The following CLSTN2 variants were observed in gnomAD, a reference collection of about 807,000 sequenced individuals.
CLSTN2 encodes the protein calsyntenin 2.
A neutral mutation model predicts 101.2 loss-of-function variants in CLSTN2; 48 were observed. That is an observed-to-expected ratio of 0.47 (90% CI 0.38 to 0.60). The LOEUF (loss-of-function observed/expected upper bound fraction) is 0.60, where lower values mean the gene tolerates loss of function less well. Among genes scored for constraint, CLSTN2 ranks in the 20% least tolerant of loss-of-function variants. CLSTN2 has a pLI of 0.00. For synonymous variants in CLSTN2, 481 were observed against 463.6 expected, an observed-to-expected ratio of 1.04 and a Z score of -0.48; for missense variants, 1,160 against 1,238.2, an observed-to-expected ratio of 0.94 and a Z score of 0.95.
At chr3:140,288,374 C>G (rs368265746) in intron 2 of CLSTN2, among the ~76,000 whole-genome samples, 1 of 152,142 alleles carries the variant, frequency 6.6e-6, no homozygotes, top group East Asian at 1.9e-4. Context: ...TCTCCCCTCC[C>G]AGACATTCCT....
At chr3:140,536,219 A>T (rs1194363415) in intron 9 of CLSTN2, among the ~76,000 whole-genome samples, 1 of 151,932 alleles carries the variant, frequency 6.6e-6, no homozygotes, top group Non-Finnish European at 1.5e-5. Context: ...TTTTATTTTT[A>T]ATCTATGAAA....
At chr3:140,279,094 C>A (rs1056962283) in intron 2 of CLSTN2, among the ~76,000 whole-genome samples, 1 of 152,200 alleles carries the variant, frequency 6.6e-6, no homozygotes, top group Admixed American at 6.5e-5. Context: ...AATCATGCAG[C>A]AAGTATATTT....
At chr3:140,376,797 A>T (rs753020623) in intron 2 of CLSTN2, among the ~76,000 whole-genome samples, 11 of 152,184 alleles carry the variant, frequency 7.2e-5, no homozygotes, top group Admixed American at 1.3e-4. Context: ...CTTGGAAGGA[A>T]GAATAAGGAA....
chr3:140,562,397 A>C (rs1407551714), intron 13 of CLSTN2, 89 bp downstream of exon 13: 10 of 1,303,974 alleles, frequency 7.7e-6, no homozygotes. Context: ...GCACCTGTGA[A>C]GGAGCACTGT....
chr3:140,552,641 T>G (rs934627159), intron 10 of CLSTN2, among the ~76,000 whole-genome samples: 2 of 152,082 alleles, frequency 1.3e-5, no homozygotes, highest in African/African-American at 4.8e-5. Flanking sequence ...TATCCATCCC[T>G]CTAGAAGAAC....
At chr3:140,009,225 TC>T (rs1481674030) in intron 1 of CLSTN2, among the ~76,000 whole-genome samples, 4 of 152,246 alleles carry the variant, frequency 2.6e-5, no homozygotes, top group African/African-American at 7.2e-5. Flanking sequence ...TTCTGTTCTT[TC>T]CTGAAGCCCC....
intron 2 of CLSTN2, among the ~76,000 whole-genome samples, chr3:140,381,397 A>G (rs2087981799): frequency 6.6e-6 from 1 of 152,210 alleles, no homozygotes; most frequent in Non-Finnish European, 1.5e-5. Context: ...TAATACACCC[A>G]TAACAGTTCC....
chr3:140,249,888 T>G (rs1251594139), intron 2 of CLSTN2, among the ~76,000 whole-genome samples: 1 of 152,074 alleles, frequency 6.6e-6, no homozygotes, highest in African/African-American at 2.4e-5. Flanking sequence ...AACCCCTCAC[T>G]CCGCAGGGCA....
chr3:140,190,054 G>C (rs749864045), intron 2 of CLSTN2, among the ~76,000 whole-genome samples: 3 of 152,202 alleles, frequency 2.0e-5, no homozygotes, highest in Non-Finnish European at 2.9e-5. Flanking sequence ...GAAAGGGGAA[G>C]ACAGCTCTCT....
At chr3:140,505,259 C>T (rs1433772697) in intron 8 of CLSTN2, among the ~76,000 whole-genome samples, 1 of 152,184 alleles carries the variant, frequency 6.6e-6, no homozygotes, top group Non-Finnish European at 1.5e-5. Flanking sequence ...CATGACCCCA[C>T]TGATGGCCTT....
chr3:140,361,864 G>A (rs1576532572), intron 2 of CLSTN2, among the ~76,000 whole-genome samples: 1 of 152,050 alleles, frequency 6.6e-6, no homozygotes, highest in South Asian at 2.1e-4. Context: ...CCTGGTTCAC[G>A]GATTAAAAGC....
At chr3:140,100,042 C>T (rs1041813379) in intron 1 of CLSTN2, among the ~76,000 whole-genome samples, 3 of 152,156 alleles carry the variant, frequency 2.0e-5, no homozygotes, top group African/African-American at 7.2e-5. Context: ...TGGGAGGTCA[C>T]ATAGAGTTTT....
chr3:140,368,922 C>A (rs914256515), intron 2 of CLSTN2, among the ~76,000 whole-genome samples: 4 of 152,146 alleles, frequency 2.6e-5, no homozygotes, highest in African/African-American at 9.7e-5. Context: ...TCTGGGTAAC[C>A]TTTAAAATGA....
chr3:139,978,619 ACT>A (rs1439203673), intron 1 of CLSTN2, among the ~76,000 whole-genome samples: 3 of 147,966 alleles, frequency 2.0e-5, no homozygotes, highest in Admixed American at 2.0e-4. Flanking sequence ...AATATAACTA[ACT>A]CTGCTGGGAG....
chr3:140,069,847 A>G (rs1050810997), intron 1 of CLSTN2, among the ~76,000 whole-genome samples: 3 of 152,202 alleles, frequency 2.0e-5, no homozygotes, highest in African/African-American at 7.2e-5. Context: ...CTGGGAGTGC[A>G]TGGATCAGAC....
At chr3:140,275,408 G>A (rs1189725364) in intron 2 of CLSTN2, among the ~76,000 whole-genome samples, 1 of 152,030 alleles carries the variant, frequency 6.6e-6, no homozygotes, top group East Asian at 1.9e-4. Flanking sequence ...AGCCTCCTGA[G>A]TAGCTGAAAC....
chr3:140,171,808 ATATAT>A (rs2010236518), intron 1 of CLSTN2, among the ~76,000 whole-genome samples: 1 of 91,684 alleles, frequency 1.1e-5, no homozygotes, highest in Non-Finnish European at 1.9e-5. Flanking sequence ...AATATGTATT[ATATAT>A]TATATATTAT....
rs73867271 is a variant in CLSTN2, at chr3:140,024,311, A to G, written c.109+88828A>G. Reference sequence around the variant, plus strand: ...TGGGTGTCCTGCGGCATGGGTGCCCACCTTCTGCCTTTTCTTGTATCTGTT... The same window carrying G: ...TGGGTGTCCTGCGGCATGGGTGCCCGCCTTCTGCCTTTTCTTGTATCTGTT... On this transcript the variant is annotated intron_variant, in intron 1 of 16. Coordinates refer to ENST00000458420, the MANE Select transcript of CLSTN2 (RefSeq NM_022131.3). 2.4e-3 allele frequency among the ~76,000 whole-genome samples: 371 copies of G among 152,282 alleles called. 3 individuals carry two copies. The highest frequency in any genetic ancestry group is 8.7e-3 in the African/African-American group (360 of 41,566).
chr3:140,451,623 C>A (rs1203399760), intron 6 of CLSTN2, among the ~76,000 whole-genome samples: 5 of 152,202 alleles, frequency 3.3e-5, no homozygotes, highest in Admixed American at 6.5e-5. Context: ...GGCCCAGATG[C>A]AAATCCGATC....
Sources: allele counts gnomAD v4.1 joint callset (sites outside exome capture counted in the v4.1 genomes callset), GRCh38; gene constraint gnomAD v4.1.1; transcripts MANE v1.5; gene names NCBI Gene and HGNC (gene_info 2026-07-23, HGNC 2026-07-21).